FLNA: variants seen among roughly 807,000 people sequenced by gnomAD.
FLNA encodes filamin A, also known as filamin-A.
Under a neutral mutation model 157.6 loss-of-function variants are expected in FLNA, and 7 were observed. The observed-to-expected ratio is 0.04, with a 90% CI of 0.03 to 0.08. The LOEUF (loss-of-function observed/expected upper bound fraction) is 0.08, where lower values mean the gene tolerates loss of function less well. Among genes scored for constraint, FLNA ranks in the 10% least tolerant of loss-of-function variants. The pLI, the probability that FLNA is intolerant of heterozygous loss-of-function variation, is 1.00. For missense variants in FLNA, 1,750 were observed against 2,398.4 expected (o/e 0.73, Z 5.65); for synonymous variants, 1,103 against 1,060.8 (o/e 1.04, Z -0.77).
At position 154,352,166 on chromosome X, in the gene FLNA, T is replaced by C. The variant is rs782306278; in HGVS notation, c.6769+15A>G. The C allele has an allele frequency of 3.3e-6, 4 of 1,208,184 alleles. No individual in the cohort carries two copies. In the African/African-American group the frequency reaches 7.0e-5, roughly 21 times the overall value. The stretch of plus-strand genomic sequence containing the variant: ...AACGCAGGAGAGCGAGCACTCGGGG[T>C]GTGAGCAGGCCTACCTGGCACTCCA... On this transcript the variant is annotated intron_variant, in intron 41 of 47. Transcript: ENST00000369850.
Position 154,349,296 on chromosome X carries a change from C to G in FLNA, c.7756+66G>C, listed in dbSNP as rs2067599576. The G allele has an allele frequency of 6.3e-6, 7 of 1,105,849 alleles. No individual in the cohort carries two copies. In the East Asian group the frequency reaches 1.8e-4, roughly 28 times the overall value. 91.1% of individuals were successfully genotyped at this position (1,105,849 alleles called of 1,213,427 possible). A position where few individuals can be genotyped will look rare whatever the true frequency, so the allele number is the denominator to read the frequency against. ...AAGGCGGTCCCTGCTCTCCCAGACACTGGCCATCCTGTGATTTCTGGCCTC... is the reference window on the plus strand; with the variant it reads ...AAGGCGGTCCCTGCTCTCCCAGACAGTGGCCATCCTGTGATTTCTGGCCTC... On this transcript the variant is annotated intron_variant, in intron 47 of 47. Transcript: ENST00000369850.
intron 2 of FLNA, among the ~76,000 whole-genome samples, chrX:154,368,909 G>A (rs1603363471): frequency 8.9e-6 from 1 of 112,986 alleles, no homozygotes; most frequent in East Asian, 2.8e-4. Context: ...CTGGGCCTCG[G>A]CAGGCTCGCC....
At chrX:154,369,282 G>A (rs1196341253) in intron 2 of FLNA, among the ~76,000 whole-genome samples, 2 of 112,443 alleles carry the variant, frequency 1.8e-5, no homozygotes, top group African/African-American at 6.5e-5. Context: ...ACTCGGAGAG[G>A]ACCAAGGGTG....
At chrX:154,369,641 G>A (rs1194429763) in intron 2 of FLNA, among the ~76,000 whole-genome samples, 1 of 111,635 alleles carries the variant, frequency 9.0e-6, no homozygotes, top group African/African-American at 3.3e-5. Context: ...CAAGGAGGAG[G>A]GGAGCTGGGA....
intron 28 of FLNA, 52 bp downstream of exon 28, chrX:154,358,147 C>T: frequency 8.4e-7 from 1 of 1,187,179 alleles, no homozygotes; most frequent in Non-Finnish European, 1.1e-6. Flanking sequence ...CCGCAGCCCA[C>T]ACTCCAGCCG....
In FLNA at chrX:154,361,197, A is replaced by G. The variant is rs1471629010; in HGVS notation, c.3207+111T>C. On this transcript the variant is annotated intron_variant, in intron 21 of 47. Transcript: ENST00000369850. ...TCAAGGTTGACAGTCTGTCTCAGGAAAAAAAAAAAAAAAAAAGGATTTAGG... is the reference window on the plus strand; with the variant it reads ...TCAAGGTTGACAGTCTGTCTCAGGAGAAAAAAAAAAAAAAAAGGATTTAGG... 2.1e-5 allele frequency: 6 copies of G among 284,344 alleles called. No individual in the cohort carries two copies. The Admixed American group carries it at 3.2e-4, about 15-fold the overall frequency. The allele number at this position is 284,344 out of a possible 1,213,427, so 23.4% of individuals were successfully genotyped here. A position where few individuals can be genotyped will look rare whatever the true frequency, so the allele number is the denominator to read the frequency against.
chrX:154,367,374 C>T, intron 5 of FLNA, 23 bp downstream of exon 5: 1 of 1,209,032 alleles, frequency 8.3e-7, no homozygotes, highest in Non-Finnish European at 1.1e-6. Context: ...CACACGGGTG[C>T]ACCCCTGGTG....
intron 2 of FLNA, among the ~76,000 whole-genome samples, chrX:154,369,962 C>T (rs978036827): frequency 8.9e-5 from 10 of 111,791 alleles, no homozygotes; most frequent in African/African-American, 3.3e-4. Flanking sequence ...CTCATCATCC[C>T]TCTCCTCTCC....
In FLNA at chrX:154,353,939, C is replaced by T. The variant is rs782669152; in HGVS notation, c.5662G>A (p.Val1888Ile). Reference protein sequence around the residue: ...GVVNKPATFTVNTKDAGEGGL... With the variant: ...GVVNKPATFTINTKDAGEGGL... ...CCCTCTCCTGCATCCTTGGTGTTGACGGTGAAGGTGGCAGGCTTGTTCACT... is the reference window on the plus strand; with the variant it reads ...CCCTCTCCTGCATCCTTGGTGTTGATGGTGAAGGTGGCAGGCTTGTTCACT... Residue 1888 changes from valine (V) to isoleucine (I), a missense_variant, in exon 35 of 48, where the codon GTC becomes ATC. By Grantham distance (29) the Val-to-Ile change is conservative (BLOSUM62 3). Transcript: ENST00000369850. 1.7e-6 allele frequency: 2 copies of T among 1,212,003 alleles called. No individual in the cohort carries two copies. The highest frequency in any genetic ancestry group is 2.3e-4 in the Middle Eastern group (1 of 4,351).
chrX:154,354,522 G>A, intron 32 of FLNA, 39 bp from the exon 33 acceptor site: 1 of 1,181,042 alleles, frequency 8.5e-7, no homozygotes, highest in Non-Finnish European at 1.1e-6. Context: ...GGGACAGTGG[G>A]AGGATCTGGG....
In FLNA at chrX:154,352,787, C is replaced by G; in HGVS notation, c.6364G>C (p.Asp2122His). The G allele has an allele frequency of 8.3e-7, 1 of 1,212,011 alleles. No homozygotes were observed. Among genetic ancestry groups the G allele is most frequent in the Non-Finnish European group, 1.1e-6 (1 of 895,578 alleles). ...CTGCACTCACCAGGCACGTGCTGGT[C>G]GGCAAACTTGATGTTGATGATGTAG... Reference protein sequence around the residue: ...GNYIINIKFADQHVPGSPFSV... With the variant: ...GNYIINIKFAHQHVPGSPFSV... Residue 2122 changes from aspartate (D) to histidine (H), a missense_variant, in exon 39 of 48, where the codon GAC becomes CAC. Coordinates refer to ENST00000369850, the MANE Select transcript of FLNA (RefSeq NM_001110556.2).
chrX:154,360,462 C>T lies in FLNA; in HGVS notation c.3333G>A (p.Gln1111=). The T allele has an allele frequency of 1.7e-6, 2 of 1,211,698 alleles. No homozygotes were observed. The highest frequency in any genetic ancestry group is 1.7e-5 in the African/African-American group (1 of 58,096). The change falls in exon 22 of 48, where the codon CAG becomes CAA. Residue 1111 remains glutamine (Q), a synonymous_variant. Coordinates refer to ENST00000369850, the MANE Select transcript of FLNA (RefSeq NM_001110556.2). ...GLTVEGPCEA[Q]LECLDNGDGT... The stretch of plus-strand genomic sequence containing the variant: ...CATCCCCATTGTCCAAGCACTCGAG[C>T]TGCGCCTCACAGGGGCCCTCCACCG...
intron 2 of FLNA, among the ~76,000 whole-genome samples, chrX:154,369,239 T>C (rs1557179872): frequency 1.8e-5 from 2 of 112,018 alleles, no homozygotes; most frequent in South Asian, 7.3e-4. Context: ...CGAGGCTGCC[T>C]TTCACTCTCC....
intron 21 of FLNA, 43 bp from the exon 22 acceptor site, chrX:154,360,630 C>T (rs782061055): frequency 4.8e-5 from 53 of 1,095,392 alleles, no homozygotes; most frequent in Non-Finnish European, 5.9e-5. Flanking sequence ...CACTATGCCC[C>T]GATCCCAGAC....
At chrX:154,354,772 C>T in intron 31 of FLNA, 53 bp downstream of exon 31, 1 of 1,210,409 alleles carries the variant, frequency 8.3e-7, no homozygotes. Flanking sequence ...CCCAGGGGAA[C>T]AGGCCGGGAC....
At chrX:154,368,276 G>A (rs113019991) in intron 2 of FLNA, among the ~76,000 whole-genome samples, 186 bp from the exon 3 acceptor site, 32 of 111,501 alleles carry the variant, frequency 2.9e-4, no homozygotes, top group Non-Finnish European at 5.3e-4. Flanking sequence ...GTGTTCAGAG[G>A]TGAAGGAGAC....
chrX:154,361,592 GGAGA>G (rs1569551727), intron 20 of FLNA, 22 bp from the exon 21 acceptor site: 1 of 1,209,647 alleles, frequency 8.3e-7, no homozygotes, highest in African/African-American at 1.7e-5. Flanking sequence ...ATGAAAGGAA[GGAGA>G]GAGACATGAC....
chrX:154,369,584 C>T (rs2067789523), intron 2 of FLNA, among the ~76,000 whole-genome samples: 1 of 98,522 alleles, frequency 1.0e-5, no homozygotes. Context: ...CATTTTTTTG[C>T]CTTATATGGC....
rs782018054 is a variant in FLNA, at chrX:154,358,518, C to T, written c.4525G>A (p.Val1509Ile). 12 of 1,209,483 alleles carry T rather than the reference C, an allele frequency of 9.9e-6. No individual in the cohort carries two copies. Among genetic ancestry groups the T allele is most frequent in the East Asian group, 3.0e-5 (1 of 33,842 alleles). Reference sequence around the variant, plus strand: ...CCTTCTCGGCTGGGCACATAATTGACGGTCTGGGTGCCATCAGCGTTGTCT... The same window carrying T: ...CCTTCTCGGCTGGGCACATAATTGATGGTCTGGGTGCCATCAGCGTTGTCT... Reference protein sequence around the residue: ...VVDNADGTQTVNYVPSREGPY... With the variant: ...VVDNADGTQTINYVPSREGPY... Residue 1509 changes from valine (V) to isoleucine (I), a missense_variant, in exon 27 of 48, where the codon GTC becomes ATC. Around this residue, in one of 5 missense-constraint regions of FLNA, gnomAD observed 970 missense variants for 1,302.6 expected, o/e 0.74. Transcript: ENST00000369850.
Sources: gnomAD v4.1 joint callset for allele counts (sites outside exome capture counted in the v4.1 genomes callset) on GRCh38, gnomAD v4.1.1 for gene constraint, gnomAD v4.1.1 regional missense constraint, MANE v1.5 for transcripts, NCBI Gene and HGNC (gene_info 2026-07-23, HGNC 2026-07-21) for gene names.